MED20: variants seen among roughly 807,000 people sequenced by gnomAD.
The protein encoded by MED20 is mediator of RNA polymerase II transcription subunit 20.
In MED20, 19 loss-of-function variants were observed where a neutral mutation model predicts 19.7. The ratio of observed to expected loss-of-function variants is 0.96; its 90% confidence interval spans 0.67 to 1.42. The LOEUF (loss-of-function observed/expected upper bound fraction) is 1.42, where lower values mean the gene tolerates loss of function less well. MED20 is among the 40% of genes most tolerant of loss of function. The pLI is 0.00. For synonymous variants in MED20, 105 were observed against 104.8 expected (o/e 1.00, Z -0.01); for missense variants, 225 against 273.0 (o/e 0.82, Z 1.24).
intron 2 of MED20, among the ~76,000 whole-genome samples, chr6:41,910,186 C>G (rs1775156151): frequency 1.3e-5 from 2 of 152,210 alleles, no homozygotes; most frequent in Admixed American, 6.5e-5. Context: ...CAGCACACTA[C>G]AGCAGAGAGA....
chr6:41,909,898 T>G (rs1399346911), intron 2 of MED20, among the ~76,000 whole-genome samples: 3 of 152,152 alleles, frequency 2.0e-5, no homozygotes, highest in Non-Finnish European at 4.4e-5. Flanking sequence ...ATTACATAAG[T>G]AAAATGAAAG....
rs1303464677 is a variant in MED20, at chr6:41,906,805, T to C, written c.*267A>G. On this transcript the variant is annotated 3_prime_UTR_variant, in exon 4 of 4. Transcript: ENST00000265350. ...CCCCTAAAGGAGGCAAGGTCCAAAC[T>C]TCTCCACTCTTCATAATTACCATTC... 1 of 453,388 alleles carries C rather than the reference T, an allele frequency of 2.2e-6. No individual in the cohort carries two copies. The highest frequency in any genetic ancestry group is 4.0e-6 in the Non-Finnish European group (1 of 249,208). 28.1% of individuals were successfully genotyped at this position (453,388 alleles called of 1,614,324 possible). A position where few individuals can be genotyped will look rare whatever the true frequency, so the allele number is the denominator to read the frequency against.
Position 41,907,146 on chromosome 6 carries a change from T to C in MED20, c.565A>G (p.Thr189Ala). The C allele has an allele frequency of 1.9e-6, 3 of 1,613,996 alleles. No individual in the cohort carries two copies. The highest frequency in any genetic ancestry group is 2.5e-6 in the Non-Finnish European group (3 of 1,179,996). The change falls in exon 4 of 4, where the codon ACC becomes GCC. Residue 189 changes from threonine (T) to alanine (A), a missense_variant. Transcript: ENST00000265350. ...RHDAVYGPADTMVQYMELFNK... is the reference protein window; with the variant it reads ...RHDAVYGPADAMVQYMELFNK... ...AAGAGTTCCATGTACTGGACCATGG[T>C]ATCTGCTGGGCCGTAGACCGCATCA...
rs182967298 is a variant in MED20, at chr6:41,917,981, T to G, written c.15-1042A>C. The G allele has an allele frequency of 1.8e-5, 5 of 274,578 alleles. No individual in the cohort carries two copies. The Admixed American group carries it at 2.2e-4, about 12-fold the overall frequency. 17.0% of individuals were successfully genotyped at this position (274,578 alleles called of 1,614,324 possible). ...TCTTTGGGAATGAGAGGCAACAGTA[T>G]TCACGAAAATTGAATCAAAAGAATG... is the stretch of plus-strand genomic sequence containing the variant. On this transcript the variant is annotated intron_variant, in intron 1 of 3. Coordinates refer to ENST00000265350, the MANE Select transcript of MED20 (RefSeq NM_004275.5).
At chr6:41,913,760 T>C (rs1280846954) in intron 2 of MED20, among the ~76,000 whole-genome samples, 1 of 152,046 alleles carries the variant, frequency 6.6e-6, no homozygotes, top group African/African-American at 2.4e-5. Flanking sequence ...GAGCCAGGCG[T>C]GGTGGAGCGC....
intron 1 of MED20, chr6:41,920,731 A>C (rs947634104): frequency 7.9e-6 from 3 of 380,126 alleles, no homozygotes; most frequent in African/African-American, 6.3e-5. Context: ...AGATCGCTCC[A>C]CTGCACTCCA....
intron 2 of MED20, among the ~76,000 whole-genome samples, chr6:41,912,353 T>A (rs1431143993): frequency 1.1e-4 from 1 of 8,994 alleles, no homozygotes; most frequent in Non-Finnish European, 1.9e-4. Context: ...ACCATAGTAC[T>A]TTTTTTTTTT....
chr6:41,911,578 GA>G (rs1421186447), intron 2 of MED20, among the ~76,000 whole-genome samples: 4 of 151,836 alleles, frequency 2.6e-5, no homozygotes, highest in Non-Finnish European at 5.9e-5. Flanking sequence ...AAGTCAGCAG[GA>G]AAAAAAAGTA....
At chr6:41,918,919 AGTCCG>A in intron 1 of MED20, among the ~76,000 whole-genome samples, 1 of 130,822 alleles carries the variant, frequency 7.6e-6, no homozygotes, top group African/African-American at 3.0e-5. Context: ...TGCAGTCCGC[AGTCCG>A]GCCTGGGCGA....
intron 3 of MED20, among the ~76,000 whole-genome samples, chr6:41,907,619 T>G (rs962424770): frequency 2.0e-5 from 3 of 151,934 alleles, no homozygotes; most frequent in Non-Finnish European, 2.9e-5. Context: ...CTCAAGAAAA[T>G]TCTAAGAGAC....
intron 1 of MED20, chr6:41,917,640 G>A (rs955889495): frequency 6.4e-5 from 26 of 404,260 alleles, no homozygotes; most frequent in African/African-American, 3.3e-4. Context: ...ATCACAGGGC[G>A]TTCTCAAGTG....
intron 2 of MED20, among the ~76,000 whole-genome samples, chr6:41,911,981 A>C (rs1775205629): frequency 1.3e-5 from 2 of 152,028 alleles, no homozygotes; most frequent in Non-Finnish European, 2.9e-5. Context: ...AAAGTCAACT[A>C]AGGGGTGTGT....
chr6:41,916,977 A>G (rs1433662216), intron 1 of MED20, 38 bp from the exon 2 acceptor site: 1 of 1,611,218 alleles, frequency 6.2e-7, no homozygotes, highest in Admixed American at 1.7e-5. Flanking sequence ...TTATCCAGAG[A>G]CACACGTGTG....
At chr6:41,915,108 C>T (rs1010674333) in intron 2 of MED20, among the ~76,000 whole-genome samples, 2 of 152,174 alleles carry the variant, frequency 1.3e-5, no homozygotes, top group Admixed American at 6.5e-5. Flanking sequence ...AGAAACACTG[C>T]TTTTAGAAAC....
At chr6:41,912,507 C>A (rs1198469566) in intron 2 of MED20, among the ~76,000 whole-genome samples, 1 of 151,848 alleles carries the variant, frequency 6.6e-6, no homozygotes, top group Non-Finnish European at 1.5e-5. Flanking sequence ...CAGGTGCCTG[C>A]CACCATGCCT....
intron 1 of MED20, 87 bp from the exon 2 acceptor site, chr6:41,917,026 A>C: frequency 2.8e-4 from 393 of 1,402,966 alleles, no homozygotes; most frequent in Non-Finnish European, 3.4e-4. Context: ...ATCACAGCTC[A>C]TCAGGGCCAA....
chr6:41,918,952 T>A (rs1582065669), intron 1 of MED20, among the ~76,000 whole-genome samples: 1 of 58,824 alleles, frequency 1.7e-5, no homozygotes, highest in African/African-American at 7.8e-5. Context: ...AGACTCCGTC[T>A]CAAAAAAAAA....
In MED20 at chr6:41,919,672, AT is replaced by A. The variant is rs528253203; in HGVS notation, c.14+1332del. Among the ~76,000 whole-genome samples, 35 of 152,280 alleles carry A rather than the reference AT, an allele frequency of 2.3e-4. 1 individual carries two copies. The South Asian group carries it at 7.0e-3, about 31-fold the overall frequency. ...TGGCTGGGCACGGTGGCTCATGTCTATAATGCCAATACTTTGGGAGACCAAA... is the reference window on the plus strand; with the variant it reads ...TGGCTGGGCACGGTGGCTCATGTCTAAATGCCAATACTTTGGGAGACCAAA... On this transcript the variant is annotated intron_variant, in intron 1 of 3. Coordinates refer to ENST00000265350, the MANE Select transcript of MED20 (RefSeq NM_004275.5).
intron 1 of MED20, 23 bp from the exon 2 acceptor site, chr6:41,916,962 G>T: frequency 6.2e-7 from 1 of 1,613,030 alleles, no homozygotes. Flanking sequence ...GCACCAAATC[G>T]TCAGTTATCC....
Sources: allele counts gnomAD v4.1 joint callset (sites outside exome capture counted in the v4.1 genomes callset), GRCh38; gene constraint gnomAD v4.1.1; transcripts MANE v1.5; gene names NCBI Gene and HGNC (gene_info 2026-07-23, HGNC 2026-07-21).